Variants in EFCAB6 observed in about 807,000 individuals in gnomAD.
EFCAB6 encodes the protein EF-hand calcium binding domain 6.
A neutral mutation model predicts 169.8 loss-of-function variants in EFCAB6; 156 were observed. That is an observed-to-expected ratio of 0.92 (90% CI 0.81 to 1.05). The LOEUF (loss-of-function observed/expected upper bound fraction) is 1.05. Ranked by LOEUF, EFCAB6 falls within the 50% of genes least tolerant of loss-of-function variation. The pLI, the probability that EFCAB6 is intolerant of heterozygous loss-of-function variation, is 0.00. For synonymous variants in EFCAB6, 698 were observed against 676.4 expected (o/e 1.03, Z -0.50); for missense variants, 1,800 against 1,829.1 (o/e 0.98, Z 0.29).
chr22:43,700,652 C>G (rs2058735581), intron 10 of EFCAB6, among the ~76,000 whole-genome samples: 2 of 152,282 alleles, frequency 1.3e-5, no homozygotes, highest in South Asian at 4.2e-4. Context: ...CCTGGCAAAT[C>G]ACTGGCCTTT....
chr22:43,790,854 A>C (rs2062258858), intron 2 of EFCAB6, among the ~76,000 whole-genome samples: 1 of 152,248 alleles, frequency 6.6e-6, no homozygotes, highest in Non-Finnish European at 1.5e-5. Flanking sequence ...AGAAGTGATC[A>C]GATTCCAGCC....
intron 7 of EFCAB6, among the ~76,000 whole-genome samples, chr22:43,732,590 C>A (rs2059995361): frequency 6.6e-6 from 1 of 150,650 alleles, no homozygotes; most frequent in African/African-American, 2.4e-5. Flanking sequence ...CCTCAGCCTA[C>A]CGAGTAGCTG....
intron 27 of EFCAB6, among the ~76,000 whole-genome samples, chr22:43,547,542 C>A (rs1347853371): frequency 6.7e-6 from 1 of 149,138 alleles, no homozygotes; most frequent in East Asian, 2.0e-4. Flanking sequence ...GAGTTTGAGA[C>A]CAGCCTGGGC....
chr22:43,558,942 G>A (rs2048865979), intron 26 of EFCAB6, among the ~76,000 whole-genome samples: 1 of 152,160 alleles, frequency 6.6e-6, no homozygotes. Flanking sequence ...ATGAAGAAAT[G>A]CCACATACAT....
intron 7 of EFCAB6, among the ~76,000 whole-genome samples, chr22:43,732,348 CAG>C (rs1027153626): frequency 2.0e-5 from 3 of 151,908 alleles, no homozygotes; most frequent in Non-Finnish European, 4.4e-5. Context: ...GGTTTCAAAA[CAG>C]GGGATGGGTG....
chr22:43,556,742 G>A (rs1007173549), intron 26 of EFCAB6, among the ~76,000 whole-genome samples: 1 of 152,092 alleles, frequency 6.6e-6, no homozygotes, highest in African/African-American at 2.4e-5. Flanking sequence ...GAAATCTAAA[G>A]CTACACACAT....
At chr22:43,724,410 C>T (rs2059649517) in intron 8 of EFCAB6, among the ~76,000 whole-genome samples, 1 of 147,766 alleles carries the variant, frequency 6.8e-6, no homozygotes, top group Non-Finnish European at 1.5e-5. Context: ...CTCTGTCTCC[C>T]AGGCTGGAAT....
intron 12 of EFCAB6, among the ~76,000 whole-genome samples, chr22:43,683,004 C>T (rs1395012077): frequency 6.6e-6 from 1 of 152,114 alleles, no homozygotes; most frequent in Non-Finnish European, 1.5e-5. Flanking sequence ...TGGGGCACCA[C>T]CCTCCACTCC....
chr22:43,765,885 T>TA (rs201206660), intron 4 of EFCAB6, among the ~76,000 whole-genome samples: 1 of 152,168 alleles, frequency 6.6e-6, no homozygotes, highest in East Asian at 1.9e-4. Context: ...GACTGTAGAT[T>TA]AAATAAAAGT....
chr22:43,565,731 G>C (rs141503242), intron 26 of EFCAB6, among the ~76,000 whole-genome samples: 1 of 151,516 alleles, frequency 6.6e-6, no homozygotes, highest in Non-Finnish European at 1.5e-5. Flanking sequence ...ACAATTATAT[G>C]GTTTTTTTCT....
intron 3 of EFCAB6, among the ~76,000 whole-genome samples, chr22:43,781,466 G>A (rs2061821495): frequency 6.6e-6 from 1 of 152,068 alleles, no homozygotes; most frequent in East Asian, 1.9e-4. Context: ...TGCGACTCTA[G>A]GCATGTACCA....
intron 21 of EFCAB6, 101 bp from the exon 22 acceptor site, chr22:43,608,701 G>T (rs2053094710): frequency 9.5e-7 from 1 of 1,056,602 alleles, no homozygotes; most frequent in Non-Finnish European, 1.4e-6. Flanking sequence ...TAAGGCATCT[G>T]TATCCCCATC....
intron 6 of EFCAB6, among the ~76,000 whole-genome samples, chr22:43,741,144 A>G (rs1484367520): frequency 6.6e-6 from 1 of 152,146 alleles, no homozygotes; most frequent in African/African-American, 2.4e-5. Context: ...AAGAAGAAGC[A>G]ATAAAATGGC....
intron 12 of EFCAB6, among the ~76,000 whole-genome samples, chr22:43,682,025 G>A (rs2058025269): frequency 6.6e-6 from 1 of 152,162 alleles, no homozygotes; most frequent in South Asian, 2.1e-4. Context: ...TCTATAGCAG[G>A]AGAGAGATTT....
rs1425945163 is a variant in EFCAB6, at chr22:43,628,920, G to A, written c.2233-2241C>T. On this transcript the variant is annotated intron_variant, in intron 19 of 31. Transcript: ENST00000262726. This position sits in a 1 kb window ranked among gnomAD's most constrained non-coding sequence, Gnocchi z 4.8. ...TTCCCTGTTGCAGCTCCAGCTCTCC[G>A]AGCCATGCTCACCATAACGTCTGTG... Among the ~76,000 whole-genome samples the A allele has an allele frequency of 2.0e-5, 3 of 152,102 alleles. No homozygotes were observed. Among genetic ancestry groups the A allele is most frequent in the Non-Finnish European group, 4.4e-5 (3 of 68,018 alleles).
At chr22:43,594,618 G>C (rs1350034550) in intron 23 of EFCAB6, among the ~76,000 whole-genome samples, 1 of 152,114 alleles carries the variant, frequency 6.6e-6, no homozygotes, top group African/African-American at 2.4e-5. Context: ...CCTAACACCA[G>C]AGCACCCAAA....
At chr22:43,630,869 T>C (rs1472684678) in intron 19 of EFCAB6, among the ~76,000 whole-genome samples, 1 of 150,584 alleles carries the variant, frequency 6.6e-6, no homozygotes, top group African/African-American at 2.5e-5. Context: ...GACCAATCCG[T>C]CTCCATGTAT....
In EFCAB6 at chr22:43,669,040, C is replaced by A. The variant is rs2057377135; in HGVS notation, c.1646G>T (p.Cys549Phe). The A allele has an allele frequency of 6.3e-7, 1 of 1,598,884 alleles. No individual in the cohort carries two copies. The highest frequency in any genetic ancestry group is 1.7e-5 in the Admixed American group (1 of 57,448). ...FLTNAHFIKLCSKIQDIGSGR... is the reference protein window; with the variant it reads ...FLTNAHFIKLFSKIQDIGSGR... ...TGAACCAATGTCCTGAATCTTACTG[C>A]AGAGTCTGAATTTTAAAAAATAATT... Residue 549 changes from cysteine (C) to phenylalanine (F), a missense_variant, in exon 16 of 32, where the codon TGC (cysteine) becomes TTC (phenylalanine). By Grantham distance (205) the Cys-to-Phe change is radical (BLOSUM62 -2). Coordinates refer to ENST00000262726, the MANE Select transcript of EFCAB6 (RefSeq NM_022785.4).
At chr22:43,762,506 G>A (rs1219218233) in intron 5 of EFCAB6, among the ~76,000 whole-genome samples, 2 of 152,074 alleles carry the variant, frequency 1.3e-5, no homozygotes, top group African/African-American at 2.4e-5. Flanking sequence ...TAAAATGTAC[G>A]TACATATTTT....
Sources: gnomAD v4.1 joint callset for allele counts (sites outside exome capture counted in the v4.1 genomes callset) on GRCh38, gnomAD v4.1.1 for gene constraint, Gnocchi (gnomAD v3.1) non-coding constraint, MANE v1.5 for transcripts, NCBI Gene and HGNC (gene_info 2026-07-23, HGNC 2026-07-21) for gene names.